The following GTF2F2 variants were observed in gnomAD, a reference collection of about 807,000 sequenced individuals.
GTF2F2 encodes the protein general transcription factor IIF subunit 2.
Under a neutral mutation model 42.2 loss-of-function variants are expected in GTF2F2, and 23 were observed. The observed-to-expected ratio is 0.55, with a 90% confidence interval of 0.39 to 0.77. The LOEUF is 0.77. GTF2F2 is among the 30% of genes least tolerant of loss of function. The probability of loss-of-function intolerance (pLI) is 0.00; values close to 1 mark genes in which losing one functional copy is unlikely to be tolerated. For synonymous variants in GTF2F2, 105 were observed against 100.8 expected (o/e 1.04, Z -0.25); for missense variants, 261 against 287.2 (o/e 0.91, Z 0.66).
chr13:45,278,432 T>A (rs1275025659), intron 7 of GTF2F2, among the ~76,000 whole-genome samples: 1 of 152,208 alleles, frequency 6.6e-6, no homozygotes, highest in East Asian at 1.9e-4. Context: ...ATCCTTTTGA[T>A]GAAGAATTGC....
At chr13:45,182,663 AC>A (rs1271762146) in intron 4 of GTF2F2, among the ~76,000 whole-genome samples, 4 of 152,054 alleles carry the variant, frequency 2.6e-5, no homozygotes, top group African/African-American at 9.7e-5. Flanking sequence ...AAGGTAGTCT[AC>A]TTTTTTCTTA....
At chr13:45,222,171 C>T (rs1874147616) in intron 5 of GTF2F2, among the ~76,000 whole-genome samples, 1 of 152,298 alleles carries the variant, frequency 6.6e-6, no homozygotes, top group Non-Finnish European at 1.5e-5. Context: ...ATCTCCACCA[C>T]CTAGCATAGT....
At chr13:45,186,055 A>G (rs1331077861) in intron 4 of GTF2F2, among the ~76,000 whole-genome samples, 2 of 151,962 alleles carry the variant, frequency 1.3e-5, no homozygotes, top group Non-Finnish European at 2.9e-5. Context: ...GCTCACTGCA[A>G]CCTCTGCCTC....
At chr13:45,266,083 G>A (rs1258649837) in intron 6 of GTF2F2, among the ~76,000 whole-genome samples, 1 of 152,210 alleles carries the variant, frequency 6.6e-6, no homozygotes, top group East Asian at 1.9e-4. Context: ...GATGGTAACA[G>A]TAGGAGGGAA....
At chr13:45,255,893 G>C (rs1566152903) in intron 6 of GTF2F2, among the ~76,000 whole-genome samples, 1 of 152,056 alleles carries the variant, frequency 6.6e-6, no homozygotes, top group Admixed American at 6.6e-5. Flanking sequence ...CCTTTCTAGA[G>C]GGAAGTTTGG....
chr13:45,247,614 G>T (rs1483510321), intron 5 of GTF2F2, among the ~76,000 whole-genome samples: 1 of 151,912 alleles, frequency 6.6e-6, no homozygotes, highest in African/African-American at 2.4e-5. Flanking sequence ...GGATGGTCTC[G>T]ATCTGACCTC....
At chr13:45,209,022 C>T (rs1397467318) in intron 5 of GTF2F2, among the ~76,000 whole-genome samples, 3 of 152,036 alleles carry the variant, frequency 2.0e-5, no homozygotes, top group Admixed American at 6.6e-5. Context: ...TTTCTGTGGC[C>T]GTAATTTTCT....
chr13:45,260,136 T>G (rs1324755710), intron 6 of GTF2F2, among the ~76,000 whole-genome samples: 1 of 152,218 alleles, frequency 6.6e-6, no homozygotes, highest in Non-Finnish European at 1.5e-5. Flanking sequence ...TTCATTTTTA[T>G]GCATATATGC....
At chr13:45,205,622 C>A (rs1277476049) in intron 4 of GTF2F2, among the ~76,000 whole-genome samples, 1 of 152,102 alleles carries the variant, frequency 6.6e-6, no homozygotes, top group Non-Finnish European at 1.5e-5. Context: ...TGGGTTCAAG[C>A]GATTCCCTTG....
chr13:45,237,948 C>CTGTT (rs58903659), intron 5 of GTF2F2, among the ~76,000 whole-genome samples: 74,771 of 151,076 alleles, frequency 0.49, 21,324 homozygotes, highest in African/African-American at 0.8. Context: ...GAAAAGGTTT[C>CTGTT]TGTTTGTTTG....
intron 7 of GTF2F2, among the ~76,000 whole-genome samples, chr13:45,276,278 G>T (rs1335628865): frequency 6.6e-6 from 1 of 152,134 alleles, no homozygotes; most frequent in African/African-American, 2.4e-5. Context: ...GTACATTTGG[G>T]TTGGACATTT....
chr13:45,189,916 A>G (rs1323768249), intron 4 of GTF2F2, among the ~76,000 whole-genome samples: 2 of 152,216 alleles, frequency 1.3e-5, no homozygotes, highest in Non-Finnish European at 2.9e-5. Context: ...TGGTAATACC[A>G]TAGGCAGTAC....
chr13:45,153,320 A>T (rs905341515), intron 4 of GTF2F2, among the ~76,000 whole-genome samples: 9 of 151,814 alleles, frequency 5.9e-5, no homozygotes, highest in Non-Finnish European at 1.2e-4. Flanking sequence ...GCCCGGCCGA[A>T]TTTTTTTTGT....
At chr13:45,230,827 C>A (rs146305054) in intron 5 of GTF2F2, among the ~76,000 whole-genome samples, 1 of 152,124 alleles carries the variant, frequency 6.6e-6, no homozygotes. Context: ...AATTCCTACA[C>A]GGTGTCAGCT....
At chr13:45,193,805 G>T in intron 4 of GTF2F2, 1 of 1,590,184 alleles carries the variant, frequency 6.3e-7, no homozygotes, top group Non-Finnish European at 8.5e-7. Flanking sequence ...ATAAAATGAA[G>T]TGCATCGCTG....
chr13:45,177,219 A>G (rs1356424639), intron 4 of GTF2F2, among the ~76,000 whole-genome samples: 1 of 152,120 alleles, frequency 6.6e-6, no homozygotes, highest in Admixed American at 6.5e-5. Context: ...CAGCTTTGCC[A>G]TAAATCAACT....
chr13:45,150,428 A>G (rs1028328698), intron 3 of GTF2F2, among the ~76,000 whole-genome samples: 2 of 152,188 alleles, frequency 1.3e-5, no homozygotes, highest in Non-Finnish European at 1.5e-5. Context: ...CATACAAAAT[A>G]AATACATCCT....
intron 4 of GTF2F2, among the ~76,000 whole-genome samples, chr13:45,198,840 T>C (rs1261838550): frequency 6.6e-6 from 1 of 152,134 alleles, no homozygotes; most frequent in Non-Finnish European, 1.5e-5. Context: ...CATTTTGATA[T>C]TGAGGTATGA....
Position 45,271,368 on chromosome 13 carries a change from GAGA to G in GTF2F2, c.630+3995_630+3997del, listed in dbSNP as rs536344046. On this transcript the variant is annotated intron_variant, in intron 7 of 7. Transcript: ENST00000340473. Reference sequence around the variant, plus strand: ...CTACCCAATTTCAAGTCAGGATTCAGAGAAGTTTATTTTTATTTTATTTTATTT... The same window carrying G: ...CTACCCAATTTCAAGTCAGGATTCAGAGTTTATTTTTATTTTATTTTATTT... Among the ~76,000 whole-genome samples, 643 of 151,496 alleles carry G rather than the reference GAGA, an allele frequency of 4.2e-3. 11 individuals carry two copies. The highest frequency in any genetic ancestry group is 0.015 in the African/African-American group (610 of 41,338).
Sources: allele counts gnomAD v4.1 joint callset (sites outside exome capture counted in the v4.1 genomes callset), GRCh38; gene constraint gnomAD v4.1.1; transcripts MANE v1.5; gene names NCBI Gene and HGNC (gene_info 2026-07-23, HGNC 2026-07-21).